Variants in VCAN observed in about 807,000 individuals in gnomAD.
The protein encoded by VCAN is versican.
A neutral mutation model predicts 245.5 loss-of-function variants in VCAN; 44 were observed. The ratio of observed to expected loss-of-function variants is 0.18; its 90% CI spans 0.14 to 0.23. The LOEUF (loss-of-function observed/expected upper bound fraction) is 0.23. Among genes scored for constraint, VCAN ranks in the 10% least tolerant of loss-of-function variants. The probability of loss-of-function intolerance (pLI) is 1.00; values close to 1 mark genes in which losing one functional copy is unlikely to be tolerated. For synonymous variants in VCAN, 1,413 were observed against 1,437.0 expected, an observed-to-expected ratio of 0.98 and a Z score of 0.38; for missense variants, 3,793 against 4,057.9, an observed-to-expected ratio of 0.93 and a Z score of 1.77.
Position 83,520,852 on chromosome 5 carries a change from A to G in VCAN, c.2546A>G (p.Asp849Gly), listed in dbSNP as rs766157743. The change falls in exon 7 of 15, where the codon GAT becomes GGT. Residue 849 changes from aspartate to glycine, a missense_variant. Asp to Gly is a moderately conservative substitution (Grantham distance 94). Coordinates refer to ENST00000265077, the MANE Select transcript of VCAN (RefSeq NM_004385.5). ...KDKDIPSFTE[D>G]GADEFTLIPD... ...AAAGACATCCCAAGTTTCACTGAAG[A>G]TGGAGCAGATGAATTTACTCTTATT... 23 of 1,614,164 alleles carry G rather than the reference A, an allele frequency of 1.4e-5. No homozygotes were observed. Among genetic ancestry groups the G allele is most frequent in the East Asian group, 2.2e-5 (1 of 44,874 alleles).
At chr5:83,557,447 A>G (rs558726831) in intron 12 of VCAN, among the ~76,000 whole-genome samples, 17 of 152,190 alleles carry the variant, frequency 1.1e-4, no homozygotes, top group African/African-American at 3.9e-4. Context: ...ATATTGGCCT[A>G]TATCTGGCAG....
intron 2 of VCAN, among the ~76,000 whole-genome samples, chr5:83,485,961 G>T (rs1238355425): frequency 6.6e-6 from 1 of 151,956 alleles, no homozygotes; most frequent in Non-Finnish European, 1.5e-5. Flanking sequence ...ATTAGCCGGG[G>T]GTGGTGGCTT....
chr5:83,531,340 C>T (rs1206020010), intron 7 of VCAN: 2 of 152,032 alleles, frequency 1.3e-5, no homozygotes, highest in Non-Finnish European at 2.9e-5. Flanking sequence ...GTACAGTCTC[C>T]CTGGTGTCTC....
Position 83,519,868 on chromosome 5 carries a change from T to C in VCAN, c.1562T>C (p.Val521Ala). The C allele has an allele frequency of 6.2e-7, 1 of 1,614,130 alleles. No individual in the cohort carries two copies. The highest frequency in any genetic ancestry group is 8.5e-7 in the Non-Finnish European group (1 of 1,179,976). Residue 521 changes from valine to alanine, a missense_variant, in exon 7 of 15, where the codon GTA (valine) becomes GCA (alanine). This residue lies in a region of VCAN where 3,182 missense variants were observed against 3,250.3 expected (regional missense o/e 0.98). Coordinates refer to ENST00000265077, the MANE Select transcript of VCAN (RefSeq NM_004385.5). ...KEFPVTETPL[V>A]TARMILESKT... is the part of the protein sequence containing the mutation. Reference sequence around the variant, plus strand: ...TTCCCTGTAACTGAAACACCATTGGTAACTGCAAGAATGATCCTGGAATCC... The same window carrying C: ...TTCCCTGTAACTGAAACACCATTGGCAACTGCAAGAATGATCCTGGAATCC...
At chr5:83,490,875 T>G (rs1351844821) in intron 3 of VCAN, among the ~76,000 whole-genome samples, 2 of 152,180 alleles carry the variant, frequency 1.3e-5, no homozygotes, top group African/African-American at 2.4e-5. Flanking sequence ...TATATACACA[T>G]ATACACATGA....
intron 1 of VCAN, among the ~76,000 whole-genome samples, chr5:83,474,814 A>G (rs1045613216): frequency 6.6e-6 from 1 of 152,238 alleles, no homozygotes; most frequent in African/African-American, 2.4e-5. Flanking sequence ...TTCCATCCAG[A>G]CAGCGCTGAA....
At chr5:83,552,188 G>A (rs1013352032) in intron 10 of VCAN, among the ~76,000 whole-genome samples, 4 of 152,190 alleles carry the variant, frequency 2.6e-5, no homozygotes, top group South Asian at 4.1e-4. Flanking sequence ...AGAAAGAGGA[G>A]TAACAGGAAT....
intron 7 of VCAN, among the ~76,000 whole-genome samples, chr5:83,534,370 C>T (rs2112434262): frequency 6.6e-6 from 1 of 151,850 alleles, no homozygotes; most frequent in Non-Finnish European, 1.5e-5. Context: ...GCTGGAGAAA[C>T]CCAGCTGAAT....
At chr5:83,476,958 C>T (rs147353569) in intron 1 of VCAN, among the ~76,000 whole-genome samples, 3 of 152,158 alleles carry the variant, frequency 2.0e-5, no homozygotes, top group African/African-American at 7.2e-5. Flanking sequence ...ACATATTTTA[C>T]AATAAACATA....
Position 83,512,292 on chromosome 5 carries a change from C to G in VCAN, c.938C>G (p.Ala313Gly). The stretch of plus-strand genomic sequence containing the variant: ...CGCCACCCTGTGACTGTGGCCAGGG[C>G]CCAGTGTGGAGGTGGTCTACTTGGG... ...SVRHPVTVARAQCGGGLLGVR... is the reference protein window; with the variant it reads ...SVRHPVTVARGQCGGGLLGVR... Residue 313 changes from alanine to glycine, a missense_variant, in exon 6 of 15, where the codon GCC (alanine) becomes GGC (glycine). Around this residue, in one of 5 missense-constraint regions of VCAN, gnomAD observed 190 missense variants for 288.6 expected, o/e 0.66. Transcript: ENST00000265077. The G allele has an allele frequency of 6.2e-7, 1 of 1,614,090 alleles. No individual in the cohort carries two copies. The highest frequency in any genetic ancestry group is 8.5e-7 in the Non-Finnish European group (1 of 1,179,994).
Position 83,521,672 on chromosome 5 carries a change from A to C in VCAN, c.3366A>C (p.Leu1122=). Residue 1122 remains leucine (L), a synonymous_variant, in exon 7 of 15, where the codon CTA becomes CTC. Transcript: ENST00000265077. ...HKVKTDEVVT[L]TPRIGPKVSL... Reference sequence around the variant, plus strand: ...TGAAAACAGATGAAGTGGTAACACTAACACCACGCATTGGGCCAAAAGTAT... The same window carrying C: ...TGAAAACAGATGAAGTGGTAACACTCACACCACGCATTGGGCCAAAAGTAT... 6.2e-7 allele frequency: 1 copy of C among 1,613,938 alleles called. No homozygotes were observed. Among genetic ancestry groups the C allele is most frequent in the Non-Finnish European group, 8.5e-7 (1 of 1,180,024 alleles).
In VCAN at chr5:83,555,004, A is replaced by G; in HGVS notation, c.9701A>G (p.Glu3234Gly). The stretch of plus-strand genomic sequence containing the variant: ...ATAGGCCTCAATGACAAGATGTTTG[A>G]GCATGACTTCCGTTGGACTGATGGC... ...QWIGLNDKMF[E>G]HDFRWTDGST... The change falls in exon 12 of 15, where the codon GAG becomes GGG. Residue 3234 changes from glutamate (E) to glycine (G), a missense_variant. By Grantham distance (98) the Glu-to-Gly change is moderately conservative. Transcript: ENST00000265077. The G allele has an allele frequency of 6.2e-7, 1 of 1,613,748 alleles. No individual in the cohort carries two copies. The highest frequency in any genetic ancestry group is 8.5e-7 in the Non-Finnish European group (1 of 1,179,710).
chr5:83,477,732 T>C (rs1744445473), intron 1 of VCAN, among the ~76,000 whole-genome samples: 1 of 152,120 alleles, frequency 6.6e-6, no homozygotes, highest in African/African-American at 2.4e-5. Context: ...CTCTTGATAT[T>C]CCATGGACTT....
intron 6 of VCAN, among the ~76,000 whole-genome samples, chr5:83,517,778 A>G (rs944569794): frequency 2.6e-5 from 4 of 152,222 alleles, no homozygotes; most frequent in African/African-American, 9.6e-5. Context: ...AAGATAAATA[A>G]TGACAGACTT....
chr5:83,532,829 T>G (rs1746572466), intron 7 of VCAN, among the ~76,000 whole-genome samples: 1 of 152,144 alleles, frequency 6.6e-6, no homozygotes. Context: ...TAATTTCAAC[T>G]CCCATTTTGC....
At chr5:83,545,032 GCA>G (rs1303199396) in intron 8 of VCAN, 6 of 194,572 alleles carry the variant, frequency 3.1e-5, no homozygotes, top group Non-Finnish European at 2.2e-5. Context: ...AGACTTCAGT[GCA>G]CACTTTCGAA....
At chr5:83,525,247 A>T (rs1372987082) in intron 7 of VCAN, among the ~76,000 whole-genome samples, 2 of 152,064 alleles carry the variant, frequency 1.3e-5, no homozygotes, top group Non-Finnish European at 2.9e-5. Flanking sequence ...GGTGTGTTTA[A>T]CAGTGGTTCA....
intron 5 of VCAN, among the ~76,000 whole-genome samples, chr5:83,504,289 A>G (rs1444527416): frequency 6.6e-6 from 1 of 152,322 alleles, no homozygotes; most frequent in East Asian, 1.9e-4. Flanking sequence ...TGTTTTCCAT[A>G]TGAATATGCA....
intron 10 of VCAN, among the ~76,000 whole-genome samples, chr5:83,550,804 T>C (rs886715422): frequency 2.1e-5 from 3 of 144,328 alleles, no homozygotes; most frequent in Non-Finnish European, 4.5e-5. Context: ...GGAGAATAGC[T>C]TGAACCTGGG....
Sources: gnomAD v4.1 joint callset for allele counts (sites outside exome capture counted in the v4.1 genomes callset) on GRCh38, gnomAD v4.1.1 for gene constraint, gnomAD v4.1.1 regional missense constraint, MANE v1.5 for transcripts, NCBI Gene and HGNC (gene_info 2026-07-23, HGNC 2026-07-21) for gene names.